TTLL7: variants seen among roughly 807,000 people sequenced by gnomAD.
TTLL7 encodes tubulin tyrosine ligase like 7.
Under a neutral mutation model 120.2 loss-of-function variants are expected in TTLL7, and 53 were observed. The observed-to-expected ratio is 0.44, with a 90% CI of 0.35 to 0.55. The LOEUF (loss-of-function observed/expected upper bound fraction) is 0.55, where lower values mean the gene tolerates loss of function less well. TTLL7 is among the 20% of genes least tolerant of loss of function. The pLI, the probability that TTLL7 is intolerant of heterozygous loss-of-function variation, is 0.00. For synonymous variants in TTLL7, 353 were observed against 351.7 expected (o/e 1.00, Z -0.04); for missense variants, 803 against 1,054.7 (o/e 0.76, Z 3.31).
intron 20 of TTLL7, among the ~76,000 whole-genome samples, chr1:83,878,344 C>G (rs1486433788): frequency 6.6e-6 from 1 of 151,540 alleles, no homozygotes; most frequent in African/African-American, 2.4e-5. Flanking sequence ...TATATCTTTA[C>G]TGAGTTTTTT....
intron 20 of TTLL7, among the ~76,000 whole-genome samples, chr1:83,872,113 A>T (rs1653471331): frequency 6.6e-6 from 1 of 152,210 alleles, no homozygotes; most frequent in South Asian, 2.1e-4. Flanking sequence ...TATACGCAGC[A>T]TTCAGATTAA....
chr1:83,946,662 G>A (rs1648534785), intron 6 of TTLL7, among the ~76,000 whole-genome samples: 2 of 152,132 alleles, frequency 1.3e-5, no homozygotes, highest in East Asian at 3.9e-4. Flanking sequence ...AATTACCATG[G>A]CTACATAAAG....
rs1244274329 is a variant in TTLL7 at position 83,897,790 on chromosome 1, C to G, written c.2208+6289G>C. Among the ~76,000 whole-genome samples the G allele has an allele frequency of 2.0e-5, 3 of 151,044 alleles. No individual in the cohort carries two copies. In the Admixed American group the frequency reaches 2.0e-4, roughly 10 times the overall value. On this transcript the variant is annotated intron_variant, in intron 18 of 20. Coordinates refer to ENST00000260505, the MANE Select transcript of TTLL7 (RefSeq NM_024686.6). ...TCCCTTGCATTCACTGGAGTCAGAC[C>G]TGCATTGTAGCCCTAAGGCTCTTCC... is the stretch of plus-strand genomic sequence containing the variant.
intron 20 of TTLL7, among the ~76,000 whole-genome samples, chr1:83,875,061 T>C (rs1653808235): frequency 6.6e-6 from 1 of 151,874 alleles, no homozygotes; most frequent in Non-Finnish European, 1.5e-5. Context: ...AAAACATAAA[T>C]GTTCCATTGA....
chr1:83,993,071 C>A (rs1653154453), intron 1 of TTLL7, among the ~76,000 whole-genome samples: 1 of 151,794 alleles, frequency 6.6e-6, no homozygotes, highest in Non-Finnish European at 1.5e-5. Context: ...CAAATTAAAC[C>A]CAAAGATGCT....
intron 8 of TTLL7, among the ~76,000 whole-genome samples, chr1:83,934,897 T>C (rs1489137917): frequency 2.0e-5 from 3 of 152,182 alleles, no homozygotes; most frequent in African/African-American, 7.2e-5. Flanking sequence ...GTAAGACTCT[T>C]AGCATAGAGC....
At chr1:83,896,974 A>G (rs1315412116) in intron 18 of TTLL7, among the ~76,000 whole-genome samples, 1 of 152,132 alleles carries the variant, frequency 6.6e-6, no homozygotes, top group African/African-American at 2.4e-5. Flanking sequence ...GAGTTACCAC[A>G]ACATGACATT....
Position 83,865,830 on chromosome 1 carries a change from G to C in TTLL7, c.*4132C>G, listed in dbSNP as rs2100682299. 6.6e-6 allele frequency: 1 copy of C among 151,928 alleles called. No individual in the cohort carries two copies. Among genetic ancestry groups the C allele is most frequent in the African/African-American group, 2.4e-5 (1 of 41,494 alleles). 9.4% of individuals were successfully genotyped at this position (151,928 alleles called of 1,614,324 possible). A position where few individuals can be genotyped will look rare whatever the true frequency, so the allele number is the denominator to read the frequency against. On this transcript the variant is annotated 3_prime_UTR_variant, in exon 21 of 21. Transcript: ENST00000260505. ...AAAGGCAGAATTTCTCTTTTCTTGA[G>C]GCTTTGTTAATACAAAGGTCAAAAT...
At chr1:83,953,207 A>G (rs1235689942) in intron 1 of TTLL7, among the ~76,000 whole-genome samples, 1 of 152,142 alleles carries the variant, frequency 6.6e-6, no homozygotes, top group Admixed American at 6.5e-5. Context: ...TTGTATTTTC[A>G]TTGTAAATAT....
intron 2 of TTLL7, 97 bp downstream of exon 2, chr1:83,952,090 A>C: frequency 2.7e-6 from 4 of 1,503,594 alleles, no homozygotes; most frequent in Admixed American, 1.7e-5. Flanking sequence ...TGGTACTTTA[A>C]AAAGTCCCCA....
At chr1:83,875,865 C>G (rs931001703) in intron 20 of TTLL7, among the ~76,000 whole-genome samples, 1 of 151,890 alleles carries the variant, frequency 6.6e-6, no homozygotes, top group Non-Finnish European at 1.5e-5. Context: ...GTTGCAAACA[C>G]TTCCTTCCAT....
chr1:83,929,360 C>A (rs1571218693), intron 9 of TTLL7, 130 bp from the exon 10 acceptor site: 1 of 600,540 alleles, frequency 1.7e-6, no homozygotes, highest in East Asian at 3.1e-5. Flanking sequence ...TGGCAGATGG[C>A]CCAGTTGTTA....
intron 6 of TTLL7, among the ~76,000 whole-genome samples, chr1:83,944,208 G>A (rs1276511276): frequency 6.6e-6 from 1 of 151,994 alleles, no homozygotes; most frequent in Non-Finnish European, 1.5e-5. Flanking sequence ...CTCAGAAGGA[G>A]AGAAGACAAA....
In TTLL7 at chr1:83,869,793, A is replaced by G. The variant is rs554004194; in HGVS notation, c.*169T>C. 2.2e-6 allele frequency: 1 copy of G among 450,108 alleles called. No homozygotes were observed. The highest frequency in any genetic ancestry group is 4.4e-5 in the East Asian group (1 of 22,486). 27.9% of individuals were successfully genotyped at this position (450,108 alleles called of 1,614,324 possible). A position where few individuals can be genotyped will look rare whatever the true frequency, so the allele number is the denominator to read the frequency against. The stretch of plus-strand genomic sequence containing the variant: ...TAATTCTTCTTTCATATATCATTTA[A>G]TATAATAAATATATGTTATTAGGGT... On this transcript the variant is annotated 3_prime_UTR_variant, in exon 21 of 21. Coordinates refer to ENST00000260505, the MANE Select transcript of TTLL7 (RefSeq NM_024686.6).
At chr1:83,898,439 T>G (rs1656433712) in intron 18 of TTLL7, among the ~76,000 whole-genome samples, 1 of 151,936 alleles carries the variant, frequency 6.6e-6, no homozygotes, top group Non-Finnish European at 1.5e-5. Flanking sequence ...AAGTCACCTG[T>G]CCAAGGTAAA....
At chr1:83,996,673 GC>G (rs1192968512) in intron 1 of TTLL7, among the ~76,000 whole-genome samples, 1 of 152,136 alleles carries the variant, frequency 6.6e-6, no homozygotes, top group Non-Finnish European at 1.5e-5. Flanking sequence ...AATTTCCCCT[GC>G]TAGACTTTAA....
At chr1:83,950,950 C>A (rs962573515) in intron 3 of TTLL7, among the ~76,000 whole-genome samples, 7 of 152,126 alleles carry the variant, frequency 4.6e-5, no homozygotes, top group African/African-American at 1.7e-4. Context: ...AAGAGCATGT[C>A]AGGAGCACAA....
chr1:83,885,329 C>G (rs1256257711), intron 19 of TTLL7, among the ~76,000 whole-genome samples: 1 of 151,970 alleles, frequency 6.6e-6, no homozygotes, highest in Non-Finnish European at 1.5e-5. Flanking sequence ...GCTATTTGAT[C>G]AGATCAACTA....
rs552321833 is a variant in TTLL7 at position 83,915,561 on chromosome 1, C to A, written c.1587+2043G>T. Among the ~76,000 whole-genome samples, 460 of 152,196 alleles carry A rather than the reference C, an allele frequency of 3.0e-3. 2 individuals carry two copies. The highest frequency in any genetic ancestry group is 0.01 in the African/African-American group (426 of 41,520). ...ACCCTAGAAGAAAACCTAGGCAATACCATTCAGGACATAGGCATGGGCAAG... is the reference window on the plus strand; with the variant it reads ...ACCCTAGAAGAAAACCTAGGCAATAACATTCAGGACATAGGCATGGGCAAG... On this transcript the variant is annotated intron_variant, in intron 14 of 20. Coordinates refer to ENST00000260505, the MANE Select transcript of TTLL7 (RefSeq NM_024686.6).
Sources: gnomAD v4.1 joint callset for allele counts (sites outside exome capture counted in the v4.1 genomes callset) on GRCh38, gnomAD v4.1.1 for gene constraint, MANE v1.5 for transcripts, NCBI Gene and HGNC (gene_info 2026-07-23, HGNC 2026-07-21) for gene names.